FAM227B: variants seen among roughly 807,000 people sequenced by gnomAD.
FAM227B encodes family with sequence similarity 227 member B, also known as protein FAM227B.
Under a neutral mutation model 73.8 loss-of-function variants are expected in FAM227B, and 88 were observed. That is an observed-to-expected ratio of 1.19 (90% confidence interval 1.00 to 1.42). FAM227B has a LOEUF of 1.42. Ranked by LOEUF, FAM227B falls within the 40% of genes most tolerant of loss-of-function variation. The pLI is 0.00. For synonymous variants in FAM227B, 210 were observed against 190.5 expected, an observed-to-expected ratio of 1.10 and a Z score of -0.84; for missense variants, 632 against 590.9, an observed-to-expected ratio of 1.07 and a Z score of -0.72.
chr15:49,586,134 T>C (rs141842741), intron 5 of FAM227B, among the ~76,000 whole-genome samples: 142 of 151,930 alleles, frequency 9.3e-4, no homozygotes, highest in African/African-American at 3.4e-3. Context: ...CTTCAAACTA[T>C]TACAAACTAC....
At chr15:49,551,876 T>C (rs2073066821) in intron 9 of FAM227B, among the ~76,000 whole-genome samples, 1 of 152,212 alleles carries the variant, frequency 6.6e-6, no homozygotes, top group African/African-American at 2.4e-5. Flanking sequence ...AACTCAATGG[T>C]TTAAATTTGT....
intron 3 of FAM227B, among the ~76,000 whole-genome samples, chr15:49,594,848 T>A (rs72729199): frequency 0.055 from 8,426 of 152,188 alleles, 334 homozygotes; most frequent in East Asian, 0.13. Context: ...AGTTTGAAGT[T>A]GGGTATTATA....
intron 11 of FAM227B, among the ~76,000 whole-genome samples, chr15:49,390,526 G>C (rs149084641): frequency 6.6e-6 from 1 of 152,140 alleles, no homozygotes; most frequent in Non-Finnish European, 1.5e-5. Flanking sequence ...ACTCTGCCTT[G>C]ACAGACAGAA....
rs1321884971 is a variant in FAM227B, at chr15:49,371,343, T to A, written c.1069A>T (p.Ile357Leu). 6.2e-7 allele frequency: 1 copy of A among 1,604,782 alleles called. No individual in the cohort carries two copies. The highest frequency in any genetic ancestry group is 1.1e-5 in the South Asian group (1 of 90,174). Reference protein sequence around the residue: ...LNNPRAYTLPISKEESRLSRL... With the variant: ...LNNPRAYTLPLSKEESRLSRL... ...GATAATCTTGATTCTTCCTTGGATA[T>A]GGGCAACGTATATGCTCTTGGGTTG... Residue 357 changes from isoleucine (I) to leucine (L), a missense_variant, in exon 12 of 16, where the codon ATA becomes TTA. Ile to Leu is a conservative substitution (Grantham distance 5). Transcript: ENST00000299338.
At chr15:49,528,674 A>C (rs915530041) in intron 10 of FAM227B, among the ~76,000 whole-genome samples, 3 of 151,976 alleles carry the variant, frequency 2.0e-5, no homozygotes, top group Non-Finnish European at 2.9e-5. Flanking sequence ...AAAGGATATG[A>C]ACAGACATTT....
At chr15:49,425,440 C>G (rs1256755415) in intron 11 of FAM227B, 1 of 151,946 alleles carries the variant, frequency 6.6e-6, no homozygotes, top group Non-Finnish European at 1.5e-5. Flanking sequence ...ATAAGATACA[C>G]ACCTCAACAT....
chr15:49,330,686 A>T (rs1297075467), intron 15 of FAM227B: 1 of 151,488 alleles, frequency 6.6e-6, no homozygotes, highest in East Asian at 1.9e-4. Flanking sequence ...TTGTTTTCCT[A>T]TTCTAATTAG....
At chr15:49,474,206 C>G (rs1490137385) in intron 11 of FAM227B, among the ~76,000 whole-genome samples, 1 of 152,014 alleles carries the variant, frequency 6.6e-6, no homozygotes, top group African/African-American at 2.4e-5. Context: ...TATATCAGCC[C>G]AGTTCTTGCT....
chr15:49,396,146 G>A (rs768736964), intron 11 of FAM227B: 17 of 363,366 alleles, frequency 4.7e-5, no homozygotes, highest in Middle Eastern at 1.8e-3. Flanking sequence ...TGCTCACCGT[G>A]TGCGAGCCGA....
At chr15:49,439,282 G>C (rs2051400977) in intron 11 of FAM227B, among the ~76,000 whole-genome samples, 1 of 151,460 alleles carries the variant, frequency 6.6e-6, no homozygotes, top group Non-Finnish European at 1.5e-5. Context: ...GGGTAGGAGA[G>C]AGAGAGAGAG....
At chr15:49,361,196 TA>T (rs1343096631) in intron 13 of FAM227B, among the ~76,000 whole-genome samples, 2 of 152,184 alleles carry the variant, frequency 1.3e-5, no homozygotes, top group Admixed American at 6.5e-5. Flanking sequence ...ATTTGTCAAT[TA>T]AAAAATTAAT....
chr15:49,354,304 C>T (rs932336404), intron 13 of FAM227B, among the ~76,000 whole-genome samples: 26 of 152,134 alleles, frequency 1.7e-4, no homozygotes, highest in African/African-American at 2.7e-4. Context: ...ACGCAGAAGA[C>T]GGGTGATTTC....
intron 2 of FAM227B, 103 bp from the exon 3 acceptor site, chr15:49,611,371 T>C (rs1268165761): frequency 3.3e-6 from 2 of 601,152 alleles, no homozygotes; most frequent in Admixed American, 2.9e-5. Flanking sequence ...TATTTATCAT[T>C]TTCAGAGCGG....
intron 10 of FAM227B, among the ~76,000 whole-genome samples, chr15:49,526,136 T>C (rs1444387660): frequency 6.6e-6 from 1 of 152,120 alleles, no homozygotes; most frequent in Non-Finnish European, 1.5e-5. Flanking sequence ...TCTCCAAAAC[T>C]GACCAGATGC....
chr15:49,466,536 G>A (rs570209992), intron 11 of FAM227B, among the ~76,000 whole-genome samples: 1 of 152,124 alleles, frequency 6.6e-6, no homozygotes, highest in African/African-American at 2.4e-5. Flanking sequence ...TTTTAATAGA[G>A]TATACCACTG....
intron 11 of FAM227B, among the ~76,000 whole-genome samples, chr15:49,390,437 A>G (rs1219161742): frequency 2.6e-5 from 4 of 152,106 alleles, no homozygotes; most frequent in Non-Finnish European, 2.9e-5. Flanking sequence ...TGTTCTTAGT[A>G]TAAGGAATAG....
chr15:49,591,384 CCCTCCCTCCCTCCTTCCTT>C, intron 3 of FAM227B, among the ~76,000 whole-genome samples: 1 of 63,116 alleles, frequency 1.6e-5, no homozygotes, highest in African/African-American at 5.1e-5. Context: ...TCCCTCCCTT[CCCTCCCTCCCTCCTTCCTT>C]CCTTCCCTCC....
chr15:49,475,013 A>G (rs1372412693), intron 11 of FAM227B, among the ~76,000 whole-genome samples: 2 of 152,284 alleles, frequency 1.3e-5, no homozygotes, highest in South Asian at 2.1e-4. Context: ...AGAATAAACT[A>G]TATTTCAGAC....
intron 11 of FAM227B, chr15:49,487,089 A>G (rs2056457943): frequency 6.6e-6 from 1 of 152,028 alleles, no homozygotes; most frequent in Non-Finnish European, 1.5e-5. Context: ...TAGCCTTTAC[A>G]TTTGTACACA....
Sources: allele counts gnomAD v4.1 joint callset (sites outside exome capture counted in the v4.1 genomes callset), GRCh38; gene constraint gnomAD v4.1.1; transcripts MANE v1.5; gene names NCBI Gene and HGNC (gene_info 2026-07-23, HGNC 2026-07-21).